Variants in DIAPH2 observed in about 807,000 individuals in gnomAD.
DIAPH2 encodes the protein protein diaphanous homolog 2.
DIAPH2 carries 35 observed loss-of-function variants against 92.7 expected under a neutral mutation model. The ratio of observed to expected loss-of-function variants is 0.38; its 90% confidence interval spans 0.29 to 0.50. DIAPH2 has a LOEUF of 0.50. Ranked by LOEUF, DIAPH2 falls within the 20% of genes least tolerant of loss-of-function variation. The pLI, the probability that DIAPH2 is intolerant of heterozygous loss-of-function variation, is 0.94. For missense variants in DIAPH2, 701 were observed against 819.5 expected, an observed-to-expected ratio of 0.86 and a Z score of 1.77; for synonymous variants, 301 against 280.4, an observed-to-expected ratio of 1.07 and a Z score of -0.73.
chrX:97,336,243 C>G (rs867164966), intron 23 of DIAPH2, among the ~76,000 whole-genome samples: 1 of 91,742 alleles, frequency 1.1e-5, no homozygotes, highest in Non-Finnish European at 2.2e-5. Flanking sequence ...CTTTTCTTTT[C>G]TTTTTTTTTT....
intron 26 of DIAPH2, among the ~76,000 whole-genome samples, chrX:97,541,286 G>A (rs2071138517): frequency 8.9e-6 from 1 of 111,893 alleles, no homozygotes; most frequent in African/African-American, 3.2e-5. Context: ...AGGGTACTCA[G>A]CACTTGTTCA....
chrX:96,870,759 G>C (rs1302386142), intron 4 of DIAPH2, among the ~76,000 whole-genome samples: 1 of 111,671 alleles, frequency 9.0e-6, no homozygotes, highest in African/African-American at 3.3e-5. Context: ...GAAGGCTAGC[G>C]TTTTGAAAAT....
chrX:97,041,561 T>A (rs2066448663), intron 17 of DIAPH2, among the ~76,000 whole-genome samples: 1 of 111,595 alleles, frequency 9.0e-6, no homozygotes, highest in Non-Finnish European at 1.9e-5. Flanking sequence ...CTAACTATTC[T>A]GGGACAGTGT....
At chrX:97,082,633 AAAAC>A (rs756456309) in intron 19 of DIAPH2, among the ~76,000 whole-genome samples, 27 of 110,876 alleles carry the variant, frequency 2.4e-4, no homozygotes, top group Middle Eastern at 4.7e-3. Context: ...CTCCATCTCA[AAAAC>A]AAACAAACAA....
chrX:97,531,694 G>C (rs1183032469), intron 26 of DIAPH2, among the ~76,000 whole-genome samples: 1 of 112,088 alleles, frequency 8.9e-6, no homozygotes, highest in Non-Finnish European at 1.9e-5. Context: ...TAGTTGTATA[G>C]ACTGCTTATG....
chrX:97,268,833 G>GTACTTTTTTTT (rs2068359809), intron 23 of DIAPH2, among the ~76,000 whole-genome samples: 4 of 102,410 alleles, frequency 3.9e-5, no homozygotes, highest in Non-Finnish European at 6.0e-5. Context: ...TTCAGGCACT[G>GTACTTTTTTTT]TTCTTTTTTT....
chrX:97,141,638 A>G, intron 21 of DIAPH2, 27 bp from the exon 22 acceptor site: 1 of 1,161,009 alleles, frequency 8.6e-7, no homozygotes, highest in Non-Finnish European at 1.1e-6. Context: ...AAAAATTACT[A>G]AAAAATGTGT....
intron 9 of DIAPH2, among the ~76,000 whole-genome samples, chrX:96,929,838 T>C (rs754106725): frequency 2.7e-5 from 3 of 110,780 alleles, no homozygotes; most frequent in African/African-American, 9.8e-5. Flanking sequence ...TAAATTTAAA[T>C]GGCATCTTTT....
chrX:97,200,719 C>T (rs2067740675), intron 22 of DIAPH2, among the ~76,000 whole-genome samples: 1 of 111,873 alleles, frequency 8.9e-6, no homozygotes, highest in Non-Finnish European at 1.9e-5. Flanking sequence ...GGGGCAGCTG[C>T]AGGCGCAGCT....
Position 97,343,797 on chromosome X carries a change from G to C in DIAPH2, c.2845-4319G>C, listed in dbSNP as rs754213829. Among the ~76,000 whole-genome samples, 436 of 111,304 alleles carry C rather than the reference G, an allele frequency of 3.9e-3. 1 individual carries two copies. Among genetic ancestry groups the C allele is most frequent in the Non-Finnish European group, 7.0e-3 (373 of 53,011 alleles). On this transcript the variant is annotated intron_variant, in intron 23 of 26. Transcript: ENST00000324765. ...CAGAAATTAAGAGAAGTAGCTAAAT[G>C]TGTCATATGCTGCTGAGACCTAAAA...
chrX:97,200,590 C>T (rs1366411861), intron 22 of DIAPH2, among the ~76,000 whole-genome samples: 2 of 111,656 alleles, frequency 1.8e-5, no homozygotes, highest in Non-Finnish European at 1.9e-5. Context: ...CGGCTGTGGC[C>T]AGAATGCTTC....
chrX:97,450,056 G>A (rs376939176), intron 26 of DIAPH2, among the ~76,000 whole-genome samples: 178 of 110,205 alleles, frequency 1.6e-3, no homozygotes, highest in Non-Finnish European at 2.7e-3. Context: ...TAGATGAAGG[G>A]TAGTAAATAA....
At chrX:97,321,586 G>T (rs1480530833) in intron 23 of DIAPH2, among the ~76,000 whole-genome samples, 5 of 72,942 alleles carry the variant, frequency 6.9e-5, no homozygotes, top group Non-Finnish European at 9.4e-5. Flanking sequence ...ATCTCGCTCT[G>T]TCCCCCAGGC....
intron 26 of DIAPH2, among the ~76,000 whole-genome samples, chrX:97,531,005 G>T (rs1330131184): frequency 9.0e-6 from 1 of 111,091 alleles, no homozygotes; most frequent in Non-Finnish European, 1.9e-5. Flanking sequence ...GGGTAAAGAG[G>T]CCATGATGGT....
intron 23 of DIAPH2, among the ~76,000 whole-genome samples, chrX:97,272,291 C>G (rs987352309): frequency 4.5e-5 from 5 of 111,619 alleles, no homozygotes; most frequent in Non-Finnish European, 7.5e-5. Context: ...GCCCCCACGC[C>G]CAGCCTGTTA....
rs770778912 is a variant in DIAPH2, at chrX:97,600,718, T to TTTC, written c.*1404_*1406dup. 9.5e-6 allele frequency: 1 copy of TTTC among 105,480 alleles called. No homozygotes were observed. The highest frequency in any genetic ancestry group is 4.8e-4 in the South Asian group (1 of 2,070). The allele number at this position is 105,480 out of a possible 1,213,427, so 8.7% of individuals were successfully genotyped here. A position where few individuals can be genotyped will look rare whatever the true frequency, so the allele number is the denominator to read the frequency against. ...GATTGATTGTGATTATTGTAAGAAA[T>TTTC]TTCTTACATGTATATTTCTTATGTA... On this transcript the variant is annotated 3_prime_UTR_variant, in exon 27 of 27. Coordinates refer to ENST00000324765, the MANE Select transcript of DIAPH2 (RefSeq NM_006729.5).
intron 17 of DIAPH2, among the ~76,000 whole-genome samples, chrX:97,007,173 A>G (rs1039990643): frequency 1.3e-4 from 15 of 111,471 alleles, no homozygotes; most frequent in African/African-American, 4.9e-4. Context: ...TGATCTGTTC[A>G]TCTTTTAGTG....
At chrX:97,274,517 AAAG>A (rs2068420980) in intron 23 of DIAPH2, among the ~76,000 whole-genome samples, 1 of 110,093 alleles carries the variant, frequency 9.1e-6, no homozygotes. Context: ...CAAAAAAAAA[AAAG>A]AAAAGAAACA....
intron 17 of DIAPH2, among the ~76,000 whole-genome samples, chrX:97,070,759 A>G (rs932634237): frequency 2.7e-5 from 3 of 111,978 alleles, no homozygotes; most frequent in African/African-American, 9.7e-5. Flanking sequence ...AAGCCAAGTT[A>G]TATAACACAA....
Sources: gnomAD v4.1 joint callset for allele counts (sites outside exome capture counted in the v4.1 genomes callset) on GRCh38, gnomAD v4.1.1 for gene constraint, MANE v1.5 for transcripts, NCBI Gene and HGNC (gene_info 2026-07-23, HGNC 2026-07-21) for gene names.